The following RBFOX1 variants were observed in gnomAD, a reference collection of about 807,000 sequenced individuals.
RBFOX1 encodes the protein RNA binding fox-1 homolog 1.
Under a neutral mutation model 57.7 loss-of-function variants are expected in RBFOX1, and 8 were observed. The observed-to-expected ratio is 0.14, with a 90% confidence interval of 0.08 to 0.25. RBFOX1 has a LOEUF of 0.25. Among genes scored for constraint, RBFOX1 ranks in the 10% least tolerant of loss-of-function variants. The pLI, the probability that RBFOX1 is intolerant of heterozygous loss-of-function variation, is 1.00. For synonymous variants in RBFOX1, 326 were observed against 222.4 expected, an observed-to-expected ratio of 1.47 and a Z score of -4.15; for missense variants, 611 against 548.5, an observed-to-expected ratio of 1.11 and a Z score of -1.14.
chr16:7,385,840 G>A (rs552267729), intron 4 of RBFOX1, among the ~76,000 whole-genome samples: 7 of 152,138 alleles, frequency 4.6e-5, no homozygotes, highest in East Asian at 3.9e-4. Context: ...TGCAACCTCC[G>A]CCTCCTGGGT....
chr16:7,210,964 A>G lies in RBFOX1; in HGVS notation c.27+158866A>G, dbSNP rs551147306. ...AAATAGAAAGGAGGGAAGAAAGGAAACTAATTTTATGAGATGATGAGTGTG... is the reference window on the plus strand; with the variant it reads ...AAATAGAAAGGAGGGAAGAAAGGAAGCTAATTTTATGAGATGATGAGTGTG... On this transcript the variant is annotated intron_variant, in intron 4 of 15. Coordinates refer to ENST00000550418, the MANE Select transcript of RBFOX1 (RefSeq NM_018723.4). Among the ~76,000 whole-genome samples the G allele has an allele frequency of 5.4e-4, 82 of 152,152 alleles. 1 individual carries two copies. Among genetic ancestry groups the G allele is most frequent in the Non-Finnish European group, 9.0e-4 (61 of 68,006 alleles).
chr16:6,872,499 C>G (rs1318506235), intron 3 of RBFOX1, among the ~76,000 whole-genome samples: 2 of 152,146 alleles, frequency 1.3e-5, no homozygotes, highest in African/African-American at 2.4e-5. Flanking sequence ...TCAGGCTTCC[C>G]TGAATTCCCT....
At chr16:6,897,351 C>T (rs564177877) in intron 3 of RBFOX1, among the ~76,000 whole-genome samples, 42 of 149,808 alleles carry the variant, frequency 2.8e-4, no homozygotes, top group Non-Finnish European at 8.9e-5. Flanking sequence ...TGCAGTGAGC[C>T]GAGGTCGTGC....
At chr16:6,714,935 A>T (rs1335399876) in intron 3 of RBFOX1, among the ~76,000 whole-genome samples, 1 of 152,194 alleles carries the variant, frequency 6.6e-6, no homozygotes, top group Non-Finnish European at 1.5e-5. Context: ...GGAGCTGAAG[A>T]CTTAAGTTGT....
chr16:5,656,019 C>T (rs957232361), intron 3 of RBFOX1, among the ~76,000 whole-genome samples: 13 of 152,260 alleles, frequency 8.5e-5, no homozygotes, highest in South Asian at 6.2e-4. Flanking sequence ...ACTTGTAGTA[C>T]GTGCTCGTTA....
intron 3 of RBFOX1, among the ~76,000 whole-genome samples, chr16:7,015,250 A>C (rs548929061): frequency 1.3e-5 from 2 of 152,100 alleles, no homozygotes; most frequent in Non-Finnish European, 2.9e-5. Flanking sequence ...CGCTGAGGCT[A>C]TGGGTGAGCA....
At chr16:5,903,987 C>T (rs1192847778) in intron 4 of RBFOX1, among the ~76,000 whole-genome samples, 3 of 152,086 alleles carry the variant, frequency 2.0e-5, no homozygotes, top group Non-Finnish European at 2.9e-5. Flanking sequence ...AAAATATGAG[C>T]TAATAGAATG....
At chr16:5,449,603 T>A (rs1471183133) in intron 1 of RBFOX1, among the ~76,000 whole-genome samples, 1 of 152,130 alleles carries the variant, frequency 6.6e-6, no homozygotes, top group Non-Finnish European at 1.5e-5. Flanking sequence ...TAGAACTACA[T>A]GTTTCACCTC....
chr16:7,233,318 A>T (rs2093606693), intron 4 of RBFOX1, among the ~76,000 whole-genome samples: 1 of 152,096 alleles, frequency 6.6e-6, no homozygotes, highest in Non-Finnish European at 1.5e-5. Flanking sequence ...TTTCTATTTA[A>T]AAGAATTATC....
intron 14 of RBFOX1, among the ~76,000 whole-genome samples, chr16:7,694,213 G>T (rs775495132): frequency 7.2e-5 from 11 of 152,174 alleles, no homozygotes; most frequent in South Asian, 6.2e-4. Flanking sequence ...AGCCTGCGAG[G>T]GAGGACGTTA....
chr16:7,368,267 A>G (rs1222653057), intron 4 of RBFOX1, among the ~76,000 whole-genome samples: 1 of 142,906 alleles, frequency 7.0e-6, no homozygotes, highest in African/African-American at 2.8e-5. Context: ...ACTGTCTCGA[A>G]AAAAAAAAAA....
rs2083911981 is a variant in RBFOX1 at position 7,710,897 on chromosome 16, A to T, written c.*152A>T. 3.7e-6 allele frequency: 3 copies of T among 812,928 alleles called. No homozygotes were observed. The highest frequency in any genetic ancestry group is 4.1e-5 in the Admixed American group (1 of 24,258). The allele number at this position is 812,928 out of a possible 1,614,324, so 50.4% of individuals were successfully genotyped here. ...GAAAAAAAATTACATTTTTTATCTT[A>T]TACCTCAGATATTTTGTTCTGTGTA... On this transcript the variant is annotated 3_prime_UTR_variant, in exon 16 of 16. Coordinates refer to ENST00000550418, the MANE Select transcript of RBFOX1 (RefSeq NM_018723.4).
intron 9 of RBFOX1, among the ~76,000 whole-genome samples, chr16:7,604,746 G>A (rs1031337398): frequency 6.6e-6 from 1 of 152,096 alleles, no homozygotes; most frequent in Non-Finnish European, 1.5e-5. Flanking sequence ...AGAGATCATT[G>A]GCAAATTTAT....
intron 2 of RBFOX1, among the ~76,000 whole-genome samples, chr16:6,632,598 G>C (rs1313619226): frequency 6.6e-6 from 1 of 152,178 alleles, no homozygotes; most frequent in Non-Finnish European, 1.5e-5. Context: ...AGTCTCTTGA[G>C]GTTAGAAGGC....
intron 13 of RBFOX1, 146 bp from the exon 14 acceptor site, chr16:7,676,628 A>G (rs1041800411): frequency 4.4e-6 from 3 of 674,398 alleles, no homozygotes; most frequent in African/African-American, 1.8e-5. Flanking sequence ...GTGTTTTTGT[A>G]TTTTCGCTTT....
intron 3 of RBFOX1, among the ~76,000 whole-genome samples, chr16:5,632,884 G>A (rs141249495): frequency 1.3e-5 from 2 of 151,516 alleles, no homozygotes; most frequent in African/African-American, 4.9e-5. Flanking sequence ...TAAGAAAACT[G>A]GGCTGGGAAC....
At chr16:6,225,273 G>A (rs2097407984) in intron 1 of RBFOX1, among the ~76,000 whole-genome samples, 1 of 151,992 alleles carries the variant, frequency 6.6e-6, no homozygotes, top group African/African-American at 2.4e-5. Flanking sequence ...CTGAAAGCTT[G>A]GTATCAAAAG....
chr16:6,082,813 C>G (rs2096024340), intron 1 of RBFOX1, among the ~76,000 whole-genome samples: 1 of 152,078 alleles, frequency 6.6e-6, no homozygotes, highest in Non-Finnish European at 1.5e-5. Flanking sequence ...GCAGGGCCTA[C>G]CTTACATAGC....
At chr16:5,981,769 G>A (rs561863604) in intron 4 of RBFOX1, among the ~76,000 whole-genome samples, 6 of 152,148 alleles carry the variant, frequency 3.9e-5, no homozygotes, top group Admixed American at 6.5e-5. Context: ...GTGCCCGGCC[G>A]TGTGATGTTT....
Sources: allele counts gnomAD v4.1 joint callset (sites outside exome capture counted in the v4.1 genomes callset), GRCh38; gene constraint gnomAD v4.1.1; transcripts MANE v1.5; gene names NCBI Gene and HGNC (gene_info 2026-07-23, HGNC 2026-07-21).